The following GRIP1 variants were observed in gnomAD, a reference collection of about 807,000 sequenced individuals.
GRIP1 encodes the protein glutamate receptor-interacting protein 1.
In GRIP1, 45 loss-of-function variants were observed where a neutral mutation model predicts 129.9. That is an observed-to-expected ratio of 0.35 (90% CI 0.27 to 0.44). The LOEUF (loss-of-function observed/expected upper bound fraction) is 0.44. Ranked by LOEUF, GRIP1 falls within the 20% of genes least tolerant of loss-of-function variation. The pLI is 1.00. For synonymous variants in GRIP1, 530 were observed against 520.8 expected (o/e 1.02, Z -0.24); for missense variants, 1,196 against 1,396.8 (o/e 0.86, Z 2.29).
intron 1 of GRIP1, among the ~76,000 whole-genome samples, chr12:66,620,662 CTTTCTTTTTCTTTTT>C (rs1017766768): frequency 1.3e-4 from 20 of 152,042 alleles, no homozygotes; most frequent in South Asian, 2.1e-4. Context: ...CATTCTTTCT[CTTTCTTTTTCTTTTT>C]TTTCTTTTTC....
At chr12:66,436,095 G>A (rs891130784) in intron 13 of GRIP1, among the ~76,000 whole-genome samples, 12 of 152,252 alleles carry the variant, frequency 7.9e-5, no homozygotes, top group South Asian at 4.2e-4. Flanking sequence ...TGTTAGACTC[G>A]CATGTAATTA....
At chr12:67,037,340 A>ATAATAATAATAATAG (rs1839990875) in intron 1 of GRIP1, 1 of 147,526 alleles carries the variant, frequency 6.8e-6, no homozygotes, top group Non-Finnish European at 1.5e-5. Context: ...AATAATAATA[A>ATAATAATAATAATAG]TAATAATAAT....
intron 1 of GRIP1, among the ~76,000 whole-genome samples, chr12:66,987,829 A>G (rs1171458017): frequency 2.6e-5 from 4 of 152,090 alleles, no homozygotes; most frequent in Non-Finnish European, 5.9e-5. Flanking sequence ...TTTCTCTGTC[A>G]CTCTTATCAA....
chr12:66,926,333 AG>A (rs1366781450), intron 1 of GRIP1, among the ~76,000 whole-genome samples: 1 of 152,216 alleles, frequency 6.6e-6, no homozygotes, highest in African/African-American at 2.4e-5. Context: ...AGCAAAATAA[AG>A]GCCTGTTCAG....
intron 1 of GRIP1, among the ~76,000 whole-genome samples, chr12:67,050,153 C>T (rs1362378905): frequency 2.0e-5 from 3 of 149,978 alleles, no homozygotes; most frequent in Non-Finnish European, 2.9e-5. Flanking sequence ...AATGTTCTTC[C>T]AAGTTTACTA....
At chr12:66,744,578 C>T (rs1297424616) in intron 1 of GRIP1, among the ~76,000 whole-genome samples, 3 of 152,148 alleles carry the variant, frequency 2.0e-5, no homozygotes, top group Non-Finnish European at 4.4e-5. Flanking sequence ...GCAATCTGCT[C>T]TGGACTGCTA....
chr12:67,033,271 G>GTGTATATATATA (rs571378077), intron 1 of GRIP1, among the ~76,000 whole-genome samples: 1 of 143,004 alleles, frequency 7.0e-6, no homozygotes, highest in Admixed American at 7.1e-5. Flanking sequence ...AAGACTACAT[G>GTGTATATATATA]TATATATATA....
chr12:67,058,202 T>C (rs529933247), intron 1 of GRIP1, among the ~76,000 whole-genome samples: 2 of 152,344 alleles, frequency 1.3e-5, no homozygotes, highest in South Asian at 4.1e-4. Flanking sequence ...TTCTCTACTG[T>C]TTTATCATCA....
chr12:66,912,374 T>C (rs1020260988), intron 1 of GRIP1, among the ~76,000 whole-genome samples: 8 of 152,252 alleles, frequency 5.3e-5, no homozygotes, highest in Admixed American at 3.3e-4. Context: ...ACCAAAGGAA[T>C]TGAAGAAATA....
At chr12:67,059,371 C>G (rs922647083) in intron 1 of GRIP1, among the ~76,000 whole-genome samples, 4 of 152,176 alleles carry the variant, frequency 2.6e-5, no homozygotes, top group Non-Finnish European at 5.9e-5. Flanking sequence ...TAGGAAAAGT[C>G]TCATTTCAGT....
At chr12:66,384,176 A>C (rs182694437) in intron 19 of GRIP1, among the ~76,000 whole-genome samples, 1 of 152,246 alleles carries the variant, frequency 6.6e-6, no homozygotes, top group Admixed American at 6.5e-5. Flanking sequence ...TGCTGTGTAG[A>C]TCTGACTTGC....
chr12:67,060,584 G>C (rs2043514990), intron 1 of GRIP1, among the ~76,000 whole-genome samples: 1 of 151,636 alleles, frequency 6.6e-6, no homozygotes, highest in African/African-American at 2.4e-5. Context: ...ACTTTGGGAA[G>C]CCAAGGCAGG....
chr12:66,916,911 G>A (rs1416429861), intron 1 of GRIP1, among the ~76,000 whole-genome samples: 2 of 152,070 alleles, frequency 1.3e-5, no homozygotes, highest in Non-Finnish European at 2.9e-5. Flanking sequence ...AATTAACTGT[G>A]TTCAATATAA....
intron 1 of GRIP1, among the ~76,000 whole-genome samples, chr12:66,869,220 G>C (rs956494331): frequency 3.9e-5 from 6 of 151,902 alleles, no homozygotes. Flanking sequence ...AATATTTCTT[G>C]AATTGAATCA....
At chr12:66,676,552 C>A (rs1453191020) in intron 1 of GRIP1, among the ~76,000 whole-genome samples, 1 of 152,070 alleles carries the variant, frequency 6.6e-6, no homozygotes, top group African/African-American at 2.4e-5. Flanking sequence ...TAGACAAATC[C>A]AATTCATTTT....
chr12:66,476,781 T>C (rs200107939), intron 7 of GRIP1, among the ~76,000 whole-genome samples: 1 of 152,158 alleles, frequency 6.6e-6, no homozygotes, highest in African/African-American at 2.4e-5. Flanking sequence ...AAAAACTACA[T>C]GATTATCTCA....
intron 1 of GRIP1, among the ~76,000 whole-genome samples, chr12:66,814,152 GA>G (rs2039159246): frequency 6.6e-6 from 1 of 151,686 alleles, no homozygotes; most frequent in Non-Finnish European, 1.5e-5. Context: ...ATAAATCTAT[GA>G]ATTTTATTTT....
chr12:66,644,899 A>C (rs2032229908), intron 1 of GRIP1, among the ~76,000 whole-genome samples: 1 of 152,196 alleles, frequency 6.6e-6, no homozygotes, highest in Non-Finnish European at 1.5e-5. Flanking sequence ...GTAATGTATA[A>C]TTTTTCAATA....
At chr12:66,718,776 T>G (rs536037798) in intron 1 of GRIP1, among the ~76,000 whole-genome samples, 38 of 152,186 alleles carry the variant, frequency 2.5e-4, no homozygotes, top group Non-Finnish European at 4.4e-4. Flanking sequence ...CGCTTGAAGA[T>G]GGGAGGTGGA....
Sources: allele counts gnomAD v4.1 joint callset (sites outside exome capture counted in the v4.1 genomes callset), GRCh38; gene constraint gnomAD v4.1.1; transcripts MANE v1.5; gene names NCBI Gene and HGNC (gene_info 2026-07-23, HGNC 2026-07-21).